Variants in PLEKHA6 observed in about 807,000 individuals in gnomAD.
PLEKHA6 encodes the protein pleckstrin homology domain-containing family A member 6.
PLEKHA6 carries 60 observed loss-of-function variants against 116.7 expected under a neutral mutation model. That is an observed-to-expected ratio of 0.51 (90% CI 0.42 to 0.64). The LOEUF is 0.64. Among genes scored for constraint, PLEKHA6 ranks in the 30% least tolerant of loss-of-function variants. PLEKHA6 has a pLI of 0.00. For missense variants in PLEKHA6, 1,338 were observed against 1,422.7 expected (o/e 0.94, Z 0.96); for synonymous variants, 489 against 556.1 (o/e 0.88, Z 1.70).
intron 1 of PLEKHA6, 144 bp downstream of exon 1, chr1:204,359,550 T>A (rs1673510399): frequency 2.1e-6 from 2 of 944,980 alleles, no homozygotes; most frequent in African/African-American, 1.8e-5. Context: ...CAAGTAAGGC[T>A]GCCAAGGATG....
chr1:204,233,301 G>A (rs1571775645), intron 17 of PLEKHA6, among the ~76,000 whole-genome samples: 1 of 150,602 alleles, frequency 6.6e-6, no homozygotes, highest in African/African-American at 2.4e-5. Context: ...AAGCCTCCTG[G>A]AGGAGGCTAG....
chr1:204,339,000 G>A (rs1031968161), intron 1 of PLEKHA6, among the ~76,000 whole-genome samples: 7 of 152,188 alleles, frequency 4.6e-5, no homozygotes, highest in African/African-American at 1.7e-4. Context: ...AGCATGTAAC[G>A]GACATGACTC....
At chr1:204,227,954 C>T (rs550477725) in intron 21 of PLEKHA6, 129 bp downstream of exon 21, 7 of 971,518 alleles carry the variant, frequency 7.2e-6, no homozygotes, top group African/African-American at 1.6e-5. Flanking sequence ...TCGTCTCAAC[C>T]TCGAGGAGCA....
intron 1 of PLEKHA6, among the ~76,000 whole-genome samples, chr1:204,349,288 C>T (rs1673191740): frequency 6.6e-6 from 1 of 152,178 alleles, no homozygotes; most frequent in African/African-American, 2.4e-5. Flanking sequence ...CCTATAATCC[C>T]AGCACTTTGG....
Position 204,228,016 on chromosome 1 carries a change from G to T in PLEKHA6, c.3031+67C>A. The T allele has an allele frequency of 6.6e-6, 10 of 1,520,074 alleles. No homozygotes were observed. The highest frequency in any genetic ancestry group is 1.2e-5 in the South Asian group (1 of 83,942). The allele number at this position is 1,520,074 out of a possible 1,614,324, so 94.2% of individuals were successfully genotyped here. ...ACTGCCCCCCTTGTAGCAGTGCCAC[G>T]CTTCCTCCCTTAAACCTGGTCAGCT... is the stretch of plus-strand genomic sequence containing the variant. On this transcript the variant is annotated intron_variant, in intron 21 of 22. Coordinates refer to ENST00000272203, the MANE Select transcript of PLEKHA6 (RefSeq NM_014935.5). This position sits in a 1 kb window ranked among gnomAD's most constrained non-coding sequence, Gnocchi z 4.0.
Position 204,257,901 on chromosome 1 carries a change from G to A in PLEKHA6, c.1008-32C>T, listed in dbSNP as rs1228073871. On this transcript the variant is annotated intron_variant, in intron 8 of 22. Transcript: ENST00000272203. This position sits in a 1 kb window ranked among gnomAD's most constrained non-coding sequence, Gnocchi z 6.5. ...GAGAGGGGACATTGTAATGAAGGCAGACAACACGGGCACCCCTCCACCCAC... is the reference window on the plus strand; with the variant it reads ...GAGAGGGGACATTGTAATGAAGGCAAACAACACGGGCACCCCTCCACCCAC... The A allele has an allele frequency of 1.3e-6, 2 of 1,570,660 alleles. No homozygotes were observed. The highest frequency in any genetic ancestry group is 3.5e-5 in the Admixed American group (2 of 57,776).
intron 17 of PLEKHA6, 66 bp from the exon 18 acceptor site, chr1:204,230,652 A>G (rs1571759043): frequency 5.1e-6 from 7 of 1,363,590 alleles, no homozygotes; most frequent in Non-Finnish European, 7.0e-6. Flanking sequence ...TCCATCCTGA[A>G]CCCTTAACAT....
chr1:204,230,274 G>T, intron 18 of PLEKHA6, 139 bp downstream of exon 18: 1 of 601,048 alleles, frequency 1.7e-6, no homozygotes, highest in South Asian at 2.3e-5. Context: ...GGACTCTCCG[G>T]CTCTCCCAGG....
upstream of PLEKHA6, among the ~76,000 whole-genome samples, chr1:204,363,997 A>G (rs1477612514): frequency 6.6e-6 from 1 of 152,228 alleles, no homozygotes; most frequent in Non-Finnish European, 1.5e-5. Context: ...TGTTGTGGAT[A>G]CCATGAGAGT....
chr1:204,329,387 C>T (rs186937233), intron 1 of PLEKHA6, among the ~76,000 whole-genome samples: 1 of 152,182 alleles, frequency 6.6e-6, no homozygotes, highest in Non-Finnish European at 1.5e-5. Context: ...GCCTCTACCA[C>T]AACACCTCCC....
In PLEKHA6 at chr1:204,257,958, A is replaced by AGT. The variant is rs1665584963; in HGVS notation, c.1008-90_1008-89insAC. On this transcript the variant is annotated intron_variant, in intron 8 of 22. Coordinates refer to ENST00000272203, the MANE Select transcript of PLEKHA6 (RefSeq NM_014935.5). The surrounding 1 kb of genome is among the most constrained non-coding windows in gnomAD (Gnocchi z 6.5). The stretch of plus-strand genomic sequence containing the variant: ...CCCACCTCCAGGTCCCCCAGCCTAG[A>AGT]GCAGGGTGCTTGAATAGGTACACAG... 8.0e-7 allele frequency: 1 copy of AGT among 1,242,480 alleles called. No homozygotes were observed. The highest frequency in any genetic ancestry group is 1.5e-5 in the African/African-American group (1 of 66,812). 77.0% of individuals were successfully genotyped at this position (1,242,480 alleles called of 1,614,324 possible). A position where few individuals can be genotyped will look rare whatever the true frequency, so the allele number is the denominator to read the frequency against.
At chr1:204,302,936 C>T (rs1052455812) in intron 1 of PLEKHA6, among the ~76,000 whole-genome samples, 1 of 152,142 alleles carries the variant, frequency 6.6e-6, no homozygotes, top group East Asian at 1.9e-4. Flanking sequence ...CATTCATCTG[C>T]CCAACCCTAG....
intron 10 of PLEKHA6, among the ~76,000 whole-genome samples, chr1:204,250,139 A>G (rs891186563): frequency 6.6e-6 from 1 of 152,210 alleles, no homozygotes; most frequent in African/African-American, 2.4e-5. Flanking sequence ...CCAGGGGCAT[A>G]GCCGTATTCT....
chr1:204,326,735 C>A (rs908226346), intron 1 of PLEKHA6, among the ~76,000 whole-genome samples: 1 of 152,108 alleles, frequency 6.6e-6, no homozygotes, highest in African/African-American at 2.4e-5. Flanking sequence ...TAATCAAACC[C>A]CTTTCCTTCT....
intron 1 of PLEKHA6, among the ~76,000 whole-genome samples, chr1:204,295,700 T>C (rs1259856855): frequency 6.6e-6 from 1 of 152,042 alleles, no homozygotes; most frequent in African/African-American, 2.4e-5. Flanking sequence ...AAAGGCTGCC[T>C]GCTCATCTGA....
upstream of PLEKHA6, among the ~76,000 whole-genome samples, chr1:204,364,299 C>T (rs1454252292): frequency 6.6e-6 from 1 of 152,184 alleles, no homozygotes; most frequent in African/African-American, 2.4e-5. Flanking sequence ...ACTCATTCAG[C>T]AAGAACTTAC....
rs895780558 is a variant in PLEKHA6, at chr1:204,223,758, C to T, written c.3032-173G>A. 8.5e-5 allele frequency among the ~76,000 whole-genome samples: 13 copies of T among 152,108 alleles called. No homozygotes were observed. Among genetic ancestry groups the T allele is most frequent in the Admixed American group, 5.9e-4 (9 of 15,270 alleles). On this transcript the variant is annotated intron_variant, in intron 21 of 22. Coordinates refer to ENST00000272203, the MANE Select transcript of PLEKHA6 (RefSeq NM_014935.5). The surrounding 1 kb of genome is among the most constrained non-coding windows in gnomAD (Gnocchi z 4.8). ...GGCCAAGCTGTCCTCATTCCCAGGGCGTCGTGGAGGAGAGTGTGAGGCCCC... is the reference window on the plus strand; with the variant it reads ...GGCCAAGCTGTCCTCATTCCCAGGGTGTCGTGGAGGAGAGTGTGAGGCCCC...
At chr1:204,339,718 A>C (rs898298008) in intron 1 of PLEKHA6, among the ~76,000 whole-genome samples, 1 of 152,260 alleles carries the variant, frequency 6.6e-6, no homozygotes, top group Non-Finnish European at 1.5e-5. Flanking sequence ...CCAAATTCTC[A>C]GTAATAAGAG....
chr1:204,375,424 T>C lies in PLEKHA6; in HGVS notation c.83+2159A>G, dbSNP rs190706284. Among the ~76,000 whole-genome samples, 9 of 152,166 alleles carry C rather than the reference T, an allele frequency of 5.9e-5. No homozygotes were observed. In the East Asian group the frequency reaches 1.5e-3, roughly 26 times the overall value. On this transcript the variant is annotated intron_variant, in intron 1 of 4. Transcript: ENST00000564627. ...GCTTCACCTCTGATTCCTCCCTTTG[T>C]CTCCCCTCCCCAGAATTCAAGCATT...
Sources: gnomAD v4.1 joint callset for allele counts (sites outside exome capture counted in the v4.1 genomes callset) on GRCh38, gnomAD v4.1.1 for gene constraint, Gnocchi (gnomAD v3.1) non-coding constraint, MANE v1.5 for transcripts, NCBI Gene and HGNC (gene_info 2026-07-23, HGNC 2026-07-21) for gene names.